ABI3BP: variants seen among roughly 807,000 people sequenced by gnomAD.
ABI3BP encodes ABI family member 3 binding protein.
A neutral mutation model predicts 268.6 loss-of-function variants in ABI3BP; 216 were observed. The ratio of observed to expected loss-of-function variants is 0.80; its 90% CI spans 0.72 to 0.90. The LOEUF (loss-of-function observed/expected upper bound fraction) is 0.90. Ranked by LOEUF, ABI3BP falls within the 40% of genes least tolerant of loss-of-function variation. The probability of loss-of-function intolerance (pLI) is 0.00; values close to 1 mark genes in which losing one functional copy is unlikely to be tolerated. For synonymous variants in ABI3BP, 730 were observed against 730.0 expected (o/e 1.00, Z 0.00); for missense variants, 2,090 against 2,182.4 (o/e 0.96, Z 0.84).
intron 2 of ABI3BP, among the ~76,000 whole-genome samples, chr3:100,917,329 T>C (rs2058914304): frequency 6.6e-6 from 1 of 152,158 alleles, no homozygotes; most frequent in African/African-American, 2.4e-5. Flanking sequence ...GCACTTGGTA[T>C]GACCCACATG....
chr3:100,851,712 C>T (rs1369897130), intron 15 of ABI3BP, among the ~76,000 whole-genome samples, 163 bp downstream of exon 15: 1 of 152,180 alleles, frequency 6.6e-6, no homozygotes, highest in African/African-American at 2.4e-5. Context: ...ACTAATCACT[C>T]TATGGGAGGA....
chr3:100,921,522 A>G (rs1403974803), intron 2 of ABI3BP, among the ~76,000 whole-genome samples: 4 of 152,158 alleles, frequency 2.6e-5, no homozygotes, highest in Non-Finnish European at 1.5e-5. Flanking sequence ...GAGTAAAAAA[A>G]AAAAAGACAT....
intron 63 of ABI3BP, among the ~76,000 whole-genome samples, chr3:100,759,917 C>G (rs898089563): frequency 3.9e-5 from 6 of 152,174 alleles, no homozygotes; most frequent in Admixed American, 2.0e-4. Flanking sequence ...GAAGTTAATA[C>G]AGAATATGCA....
chr3:100,804,779 A>G lies in ABI3BP; in HGVS notation c.3757+13T>C. 1 of 1,611,608 alleles carries G rather than the reference A, an allele frequency of 6.2e-7. No individual in the cohort carries two copies. Among genetic ancestry groups the G allele is most frequent in the Non-Finnish European group, 8.5e-7 (1 of 1,177,918 alleles). On this transcript the variant is annotated intron_variant, in intron 51 of 67. Transcript: ENST00000471714. Reference sequence around the variant, plus strand: ...AGAATGCATTTGGCTTAAACATGAAATAAAGCATTTACCAGGTGTGGTGTA... The same window carrying G: ...AGAATGCATTTGGCTTAAACATGAAGTAAAGCATTTACCAGGTGTGGTGTA...
At chr3:100,919,895 C>T (rs1415128963) in intron 2 of ABI3BP, among the ~76,000 whole-genome samples, 2 of 152,118 alleles carry the variant, frequency 1.3e-5, no homozygotes, top group South Asian at 2.1e-4. Context: ...CTAAGAGGCA[C>T]CTGATGACTC....
chr3:100,829,106 C>T (rs1234728571), intron 33 of ABI3BP, among the ~76,000 whole-genome samples: 1 of 150,880 alleles, frequency 6.6e-6, no homozygotes, highest in African/African-American at 2.5e-5. Flanking sequence ...CTGATTTTCC[C>T]CTGAGAATGA....
intron 1 of ABI3BP, among the ~76,000 whole-genome samples, chr3:100,934,467 G>A (rs946693487): frequency 3.6e-4 from 55 of 151,180 alleles, no homozygotes; most frequent in African/African-American, 9.8e-4. Context: ...CTTTATAGTA[G>A]AATGATTTAT....
intron 9 of ABI3BP, among the ~76,000 whole-genome samples, chr3:100,873,019 C>T (rs1257377366): frequency 2.0e-5 from 3 of 151,916 alleles, no homozygotes; most frequent in African/African-American, 7.3e-5. Context: ...TCTAATAGTC[C>T]CCAGTTAAGT....
At chr3:100,843,844 T>A in intron 20 of ABI3BP, 2 of 985,250 alleles carry the variant, frequency 2.0e-6, no homozygotes, top group Non-Finnish European at 2.4e-6. Context: ...AAAGTTGCCT[T>A]CCACAAGTGA....
At chr3:100,857,924 C>A (rs552679423) in intron 14 of ABI3BP, among the ~76,000 whole-genome samples, 1 of 152,226 alleles carries the variant, frequency 6.6e-6, no homozygotes, top group African/African-American at 2.4e-5. Flanking sequence ...AATGATCCAA[C>A]AAGCAGGTGC....
chr3:100,918,071 G>GT (rs2059182560), intron 2 of ABI3BP, among the ~76,000 whole-genome samples: 4 of 152,008 alleles, frequency 2.6e-5, no homozygotes, highest in Admixed American at 6.5e-5. Flanking sequence ...TGGGATTCCT[G>GT]TTTTTTTAAA....
intron 1 of ABI3BP, among the ~76,000 whole-genome samples, chr3:100,979,636 G>A (rs1264760209): frequency 2.0e-5 from 3 of 152,142 alleles, no homozygotes; most frequent in African/African-American, 4.8e-5. Flanking sequence ...GGGACACCAC[G>A]GAAACCTTAC....
At chr3:100,977,513 GAT>G (rs1394711075) in intron 1 of ABI3BP, among the ~76,000 whole-genome samples, 2 of 152,218 alleles carry the variant, frequency 1.3e-5, no homozygotes, top group African/African-American at 4.8e-5. Context: ...ATTTGTGCTG[GAT>G]ATAGGCACGA....
In ABI3BP at chr3:100,894,913, T is replaced by C. The variant is rs554997777; in HGVS notation, c.461+3849A>G. The stretch of plus-strand genomic sequence containing the variant: ...GAGATCGCGCCTCTGCACTCCAGCC[T>C]GGGCGACAGAGCGGGATTCCGCTTC... On this transcript the variant is annotated intron_variant, in intron 4 of 67. Transcript: ENST00000471714. Among the ~76,000 whole-genome samples the C allele has an allele frequency of 7.6e-5, 7 of 92,608 alleles. No homozygotes were observed. The East Asian group carries it at 2.6e-3, about 35-fold the overall frequency. 60.8% of individuals were successfully genotyped at this position (92,608 alleles called of 152,430 possible). A position where few individuals can be genotyped will look rare whatever the true frequency, so the allele number is the denominator to read the frequency against.
chr3:100,751,902 C>T (rs944219934), intron 66 of ABI3BP, among the ~76,000 whole-genome samples: 1 of 152,188 alleles, frequency 6.6e-6, no homozygotes, highest in African/African-American at 2.4e-5. Flanking sequence ...ATAAATTTCC[C>T]CAGCAGTCTC....
At chr3:100,859,763 ATACTTAAC>A (rs369073022) in intron 14 of ABI3BP, among the ~76,000 whole-genome samples, 1 of 152,328 alleles carries the variant, frequency 6.6e-6, no homozygotes, top group African/African-American at 2.4e-5. Context: ...GAAACAAGAG[ATACTTAAC>A]TACCCACTTT....
chr3:100,874,754 C>G, intron 9 of ABI3BP, 87 bp downstream of exon 9: 2 of 774,026 alleles, frequency 2.6e-6, no homozygotes, highest in Non-Finnish European at 4.1e-6. Context: ...TCAAACAGCT[C>G]ATTAGCAAGA....
chr3:100,841,443 T>C (rs552819687), intron 21 of ABI3BP, among the ~76,000 whole-genome samples: 1 of 152,178 alleles, frequency 6.6e-6, no homozygotes, highest in East Asian at 1.9e-4. Flanking sequence ...GCTCAGGGCA[T>C]ATTCCTCAAA....
At chr3:100,832,379 G>A (rs767889951) in intron 30 of ABI3BP, 29 bp from the exon 31 acceptor site, 3 of 1,525,252 alleles carry the variant, frequency 2.0e-6, no homozygotes, top group Non-Finnish European at 2.6e-6. Context: ...GGATTAATAT[G>A]GTGCTGATGG....
Sources: gnomAD v4.1 joint callset for allele counts (sites outside exome capture counted in the v4.1 genomes callset) on GRCh38, gnomAD v4.1.1 for gene constraint, MANE v1.5 for transcripts, NCBI Gene and HGNC (gene_info 2026-07-23, HGNC 2026-07-21) for gene names.